SLC1A4: variants seen among roughly 807,000 people sequenced by gnomAD.
SLC1A4 encodes neutral amino acid transporter A.
SLC1A4 carries 19 observed loss-of-function variants against 37.7 expected under a neutral mutation model. That is an observed-to-expected ratio of 0.50 (90% CI 0.35 to 0.74). The LOEUF (loss-of-function observed/expected upper bound fraction) is 0.74. Ranked by LOEUF, SLC1A4 falls within the 30% of genes least tolerant of loss-of-function variation. The probability of loss-of-function intolerance (pLI) is 0.01; values close to 1 mark genes in which losing one functional copy is unlikely to be tolerated. For missense variants in SLC1A4, 570 were observed against 712.9 expected (o/e 0.80, Z 2.28); for synonymous variants, 299 against 309.8 (o/e 0.97, Z 0.37).
At chr2:65,007,182 G>A (rs1673708304) in intron 3 of SLC1A4, among the ~76,000 whole-genome samples, 1 of 152,144 alleles carries the variant, frequency 6.6e-6, no homozygotes. Flanking sequence ...TCTAGTGGAG[G>A]GAATCATGTA....
In SLC1A4 at chr2:65,018,299, G is replaced by A; in HGVS notation, c.1229+34G>A. ...CTCATTCTTTCCCTGGCTCAAAACT[G>A]AAGGCTTTTCTTGTGATTTCCTTTG... On this transcript the variant is annotated intron_variant, in intron 6 of 7. Transcript: ENST00000234256. The surrounding 1 kb of genome is among the most constrained non-coding windows in gnomAD (Gnocchi z 4.3). 5.6e-6 allele frequency: 9 copies of A among 1,593,530 alleles called. No homozygotes were observed. In the South Asian group the frequency reaches 8.8e-5, roughly 16 times the overall value.
At chr2:64,996,802 G>A (rs1360489453) in intron 1 of SLC1A4, among the ~76,000 whole-genome samples, 1 of 152,110 alleles carries the variant, frequency 6.6e-6, no homozygotes, top group Non-Finnish European at 1.5e-5. Flanking sequence ...GATAGAACTG[G>A]ATCACCTCTA....
At chr2:65,016,782 A>G in intron 5 of SLC1A4, 109 bp downstream of exon 5, 1 of 747,620 alleles carries the variant, frequency 1.3e-6, no homozygotes, top group Non-Finnish European at 2.3e-6. Context: ...AATTCCTGGA[A>G]AACTCTAAAT....
In SLC1A4 at chr2:64,990,062, A is replaced by G; in HGVS notation, c.419A>G (p.Lys140Arg). The G allele has an allele frequency of 6.2e-7, 1 of 1,608,282 alleles. No homozygotes were observed. Among genetic ancestry groups the G allele is most frequent in the African/African-American group, 1.3e-5 (1 of 74,980 alleles). ...ALAVALAFII[K>R]PGSGAQTLQS... ...GCCGTGGCCTTGGCGTTCATCATCA[A>G]GCCAGGATCCGGTGCGCAGACCCTT... is the stretch of plus-strand genomic sequence containing the variant. The change falls in exon 1 of 8, where the codon AAG becomes AGG. Residue 140 changes from lysine (K) to arginine (R), a missense_variant. Lys to Arg is a conservative substitution (Grantham distance 26). Coordinates refer to ENST00000234256, the MANE Select transcript of SLC1A4 (RefSeq NM_003038.5).
At position 65,020,238 on chromosome 2, in the gene SLC1A4, T is replaced by A. The variant is rs142307370; in HGVS notation, c.1365-674T>A. 3.8e-3 allele frequency among the ~76,000 whole-genome samples: 572 copies of A among 152,300 alleles called. 5 individuals are homozygous for A. The highest frequency in any genetic ancestry group is 0.013 in the African/African-American group (548 of 41,570). ...GGAAGAAAAGCTAGACACAAAACCG[T>A]ATCCACACTATTATCCCAATATGTT... On this transcript the variant is annotated intron_variant, in intron 7 of 7. Coordinates refer to ENST00000234256, the MANE Select transcript of SLC1A4 (RefSeq NM_003038.5).
chr2:65,021,200 C>A lies in SLC1A4; in HGVS notation c.*54C>A. 6.9e-7 allele frequency: 1 copy of A among 1,439,934 alleles called. No homozygotes were observed. Among genetic ancestry groups the A allele is most frequent in the Non-Finnish European group, 9.7e-7 (1 of 1,032,148 alleles). 89.2% of individuals were successfully genotyped at this position (1,439,934 alleles called of 1,614,324 possible). A position where few individuals can be genotyped will look rare whatever the true frequency, so the allele number is the denominator to read the frequency against. Reference sequence around the variant, plus strand: ...GCAGTGATGTCCCACCCTGTTCACCCAGCCGCCAGTCATGGACACAGGGCA... The same window carrying A: ...GCAGTGATGTCCCACCCTGTTCACCAAGCCGCCAGTCATGGACACAGGGCA... On this transcript the variant is annotated 3_prime_UTR_variant, in exon 8 of 8. Transcript: ENST00000234256.
At chr2:65,000,828 C>A (rs1234277255) in intron 1 of SLC1A4, 1 of 152,292 alleles carries the variant, frequency 6.6e-6, no homozygotes, top group Non-Finnish European at 1.5e-5. Flanking sequence ...CAGGACTCTA[C>A]TGCATTTAAC....
At chr2:64,994,970 T>C (rs1558513510) in intron 1 of SLC1A4, 1 of 152,220 alleles carries the variant, frequency 6.6e-6, no homozygotes. Context: ...ACTATGCCCA[T>C]GTCTCTTCTA....
intron 1 of SLC1A4, among the ~76,000 whole-genome samples, chr2:64,997,263 A>AT (rs1443434394): frequency 6.6e-6 from 1 of 152,158 alleles, no homozygotes; most frequent in African/African-American, 2.4e-5. Context: ...GAATGTACGT[A>AT]TTTTTTAGTT....
chr2:65,007,470 A>G (rs1673729225), intron 3 of SLC1A4, among the ~76,000 whole-genome samples: 2 of 152,156 alleles, frequency 1.3e-5, no homozygotes, highest in Admixed American at 1.3e-4. Flanking sequence ...GCCCCATTCA[A>G]TGCTAAGTCT....
intron 1 of SLC1A4, 36 bp downstream of exon 1, chr2:64,990,206 G>C: frequency 1.3e-6 from 2 of 1,525,266 alleles, no homozygotes; most frequent in Non-Finnish European, 1.8e-6. Flanking sequence ...CCCAGTGGGA[G>C]ACGCCAGTTC....
intron 4 of SLC1A4, among the ~76,000 whole-genome samples, chr2:65,015,197 T>C (rs1482834889): frequency 6.6e-6 from 1 of 152,226 alleles, no homozygotes; most frequent in Non-Finnish European, 1.5e-5. Flanking sequence ...GCTGTTATGT[T>C]TAATGATTTC....
intron 2 of SLC1A4, among the ~76,000 whole-genome samples, chr2:65,003,641 A>G (rs1673562273): frequency 6.6e-6 from 1 of 152,256 alleles, no homozygotes; most frequent in South Asian, 2.1e-4. Flanking sequence ...CTGAGGAAAT[A>G]TCAAATTATC....
intron 3 of SLC1A4, among the ~76,000 whole-genome samples, 182 bp from the exon 4 acceptor site, chr2:65,010,415 C>T (rs1227655655): frequency 6.6e-6 from 1 of 152,222 alleles, no homozygotes; most frequent in Non-Finnish European, 1.5e-5. Flanking sequence ...TCTGTATCCT[C>T]AGACTACATC....
chr2:65,007,792 G>T (rs927183872), intron 3 of SLC1A4, among the ~76,000 whole-genome samples: 2 of 152,068 alleles, frequency 1.3e-5, no homozygotes, highest in Admixed American at 6.6e-5. Context: ...AGTGTACTTG[G>T]GATGTCCATC....
In SLC1A4 at chr2:65,018,813, A is replaced by G; in HGVS notation, c.1364+134A>G. 1 of 1,011,080 alleles carries G rather than the reference A, an allele frequency of 9.9e-7. No homozygotes were observed. Among genetic ancestry groups the G allele is most frequent in the Non-Finnish European group, 1.5e-6 (1 of 689,116 alleles). The allele number at this position is 1,011,080 out of a possible 1,614,324, so 62.6% of individuals were successfully genotyped here. On this transcript the variant is annotated intron_variant, in intron 7 of 7. Transcript: ENST00000234256. This position sits in a 1 kb window ranked among gnomAD's most constrained non-coding sequence, Gnocchi z 4.3. ...TTGTGAAGGAGGCTACAGTGGAGCT[A>G]AAAGGGCAAGATTTAGAGCTAGGAA...
intron 2 of SLC1A4, among the ~76,000 whole-genome samples, chr2:65,002,304 T>TA (rs1362908164): frequency 2.6e-4 from 38 of 148,986 alleles, no homozygotes; most frequent in East Asian, 7.9e-4. Context: ...AATAAATAAA[T>TA]AATAAAATAA....
chr2:65,013,724 T>A (rs1213666275), intron 4 of SLC1A4, among the ~76,000 whole-genome samples: 1 of 152,188 alleles, frequency 6.6e-6, no homozygotes, highest in Non-Finnish European at 1.5e-5. Flanking sequence ...CAACCAAGTA[T>A]GGGAGGCATT....
intron 5 of SLC1A4, among the ~76,000 whole-genome samples, chr2:65,017,851 G>C (rs542013434): frequency 6.6e-6 from 1 of 152,304 alleles, no homozygotes; most frequent in South Asian, 2.1e-4. Flanking sequence ...TGACAGAATA[G>C]GTAAATGAAG....
Sources: allele counts gnomAD v4.1 joint callset (sites outside exome capture counted in the v4.1 genomes callset), GRCh38; gene constraint gnomAD v4.1.1; non-coding constraint Gnocchi (gnomAD v3.1); transcripts MANE v1.5; gene names NCBI Gene and HGNC (gene_info 2026-07-23, HGNC 2026-07-21).